The following CNTN5 variants were observed in gnomAD, a reference collection of about 807,000 sequenced individuals.
CNTN5 encodes the protein contactin-5.
A neutral mutation model predicts 129.1 loss-of-function variants in CNTN5; 77 were observed. The ratio of observed to expected loss-of-function variants is 0.60; its 90% CI spans 0.50 to 0.72. The LOEUF (loss-of-function observed/expected upper bound fraction) is 0.72, where lower values mean the gene tolerates loss of function less well. Among genes scored for constraint, CNTN5 ranks in the 30% least tolerant of loss-of-function variants. The pLI, the probability that CNTN5 is intolerant of heterozygous loss-of-function variation, is 0.00. For synonymous variants in CNTN5, 509 were observed against 465.6 expected (o/e 1.09, Z -1.20); for missense variants, 1,478 against 1,328.8 (o/e 1.11, Z -1.75).
At chr11:99,656,900 T>C (rs79735476) in intron 3 of CNTN5, among the ~76,000 whole-genome samples, 1,622 of 151,858 alleles carry the variant, frequency 0.011, 37 homozygotes, top group African/African-American at 0.036. Flanking sequence ...AGAAAACCCC[T>C]GTAGAAGTAC....
chr11:100,100,286 T>G (rs1945174420), intron 13 of CNTN5, among the ~76,000 whole-genome samples: 1 of 152,110 alleles, frequency 6.6e-6, no homozygotes, highest in African/African-American at 2.4e-5. Context: ...TTCCAGAATA[T>G]CCAGAAAAAT....
chr11:99,379,500 T>C (rs1404890318), intron 2 of CNTN5, among the ~76,000 whole-genome samples: 1 of 152,088 alleles, frequency 6.6e-6, no homozygotes, highest in Non-Finnish European at 1.5e-5. Flanking sequence ...ATAATCGATA[T>C]GACATGAAAG....
chr11:99,177,111 A>G (rs1857813660), intron 1 of CNTN5, among the ~76,000 whole-genome samples: 1 of 146,728 alleles, frequency 6.8e-6, no homozygotes. Flanking sequence ...ACATCTTACC[A>G]TGGATTCTTC....
At chr11:99,875,649 C>T (rs556424158) in intron 6 of CNTN5, among the ~76,000 whole-genome samples, 1 of 152,196 alleles carries the variant, frequency 6.6e-6, no homozygotes, top group African/African-American at 2.4e-5. Flanking sequence ...TTTGTACAGT[C>T]CTAAAGCATT....
intron 17 of CNTN5, among the ~76,000 whole-genome samples, chr11:100,262,323 T>C (rs917698988): frequency 1.1e-4 from 17 of 152,270 alleles, no homozygotes; most frequent in South Asian, 2.1e-4. Context: ...GAAATAGGAA[T>C]ACTTTTACAC....
At chr11:99,866,862 T>C (rs1345034098) in intron 6 of CNTN5, among the ~76,000 whole-genome samples, 1 of 152,210 alleles carries the variant, frequency 6.6e-6, no homozygotes, top group Non-Finnish European at 1.5e-5. Context: ...AGTCAGTACT[T>C]ACCAATCCCT....
At chr11:99,033,467 T>C (rs1171582711) in intron 1 of CNTN5, among the ~76,000 whole-genome samples, 2 of 152,190 alleles carry the variant, frequency 1.3e-5, no homozygotes, top group South Asian at 2.1e-4. Flanking sequence ...GTAGTTCTCC[T>C]TGAAGAGGTC....
At chr11:99,892,340 G>A (rs955096549) in intron 6 of CNTN5, among the ~76,000 whole-genome samples, 13 of 151,920 alleles carry the variant, frequency 8.6e-5, no homozygotes, top group South Asian at 2.1e-4. Context: ...ATTAGATCCC[G>A]TTTGTCAATT....
chr11:99,817,703 T>A (rs568449112), intron 3 of CNTN5, among the ~76,000 whole-genome samples: 1 of 142,266 alleles, frequency 7.0e-6, no homozygotes, highest in African/African-American at 2.6e-5. Context: ...AAACTACAAC[T>A]ACAAACTACC....
At chr11:99,583,570 C>G (rs1949688982) in intron 3 of CNTN5, among the ~76,000 whole-genome samples, 1 of 152,208 alleles carries the variant, frequency 6.6e-6, no homozygotes, top group African/African-American at 2.4e-5. Flanking sequence ...AGTTAGATCT[C>G]AGACTGCTGT....
At position 99,536,707 on chromosome 11, in the gene CNTN5, A is replaced by G. The variant is rs78757277; in HGVS notation, c.-70-19438A>G. 1.9e-4 allele frequency among the ~76,000 whole-genome samples: 29 copies of G among 152,178 alleles called. 1 individual carries two copies. In the East Asian group the frequency reaches 4.8e-3, roughly 25 times the overall value. ...GAGTTTTATACATGACATCGTTAAT[A>G]CCCATGACAATTCTTTGGAGAAAAT... On this transcript the variant is annotated intron_variant, in intron 2 of 24. Transcript: ENST00000524871.
chr11:100,070,392 A>G lies in CNTN5; in HGVS notation c.1163-32A>G, dbSNP rs2302917. 1.2e-3 allele frequency: 1,915 copies of G among 1,576,158 alleles called. 73 individuals are homozygous for G. In the East Asian group the frequency reaches 0.039, roughly 32 times the overall value. The stretch of plus-strand genomic sequence containing the variant: ...CTTGGTAAAGCGTTTGAGAAATGAA[A>G]TCATCCTTGTTTACTGCTTACATAC... On this transcript the variant is annotated intron_variant, in intron 10 of 24. Coordinates refer to ENST00000524871, the MANE Select transcript of CNTN5 (RefSeq NM_014361.4).
At chr11:100,149,663 C>A (rs1211601565) in intron 13 of CNTN5, among the ~76,000 whole-genome samples, 1 of 152,020 alleles carries the variant, frequency 6.6e-6, no homozygotes, top group Admixed American at 6.6e-5. Context: ...GAGGCCAAGG[C>A]AGGCGGATCA....
chr11:100,232,273 T>C (rs1427409494), intron 16 of CNTN5, among the ~76,000 whole-genome samples: 1 of 152,188 alleles, frequency 6.6e-6, no homozygotes, highest in East Asian at 1.9e-4. Flanking sequence ...GATGTGAAGT[T>C]GCTGTCAGAG....
At chr11:100,057,537 A>G (rs533201721) in intron 9 of CNTN5, among the ~76,000 whole-genome samples, 17 of 152,036 alleles carry the variant, frequency 1.1e-4, no homozygotes, top group South Asian at 2.1e-4. Context: ...GCATTTATTA[A>G]CAATATACCA....
intron 1 of CNTN5, among the ~76,000 whole-genome samples, chr11:99,037,846 G>T (rs548534299): frequency 6.6e-6 from 1 of 152,048 alleles, no homozygotes; most frequent in South Asian, 2.1e-4. Context: ...ACAGGTGTGA[G>T]CCACTGTGCC....
intron 2 of CNTN5, among the ~76,000 whole-genome samples, chr11:99,400,539 A>G (rs1216374998): frequency 6.6e-6 from 1 of 152,130 alleles, no homozygotes; most frequent in Non-Finnish European, 1.5e-5. Flanking sequence ...TGCAACAAAC[A>G]TGGGAGTGCA....
intron 1 of CNTN5, among the ~76,000 whole-genome samples, chr11:99,195,734 C>T (rs917210262): frequency 1.3e-5 from 2 of 151,934 alleles, no homozygotes; most frequent in Admixed American, 6.6e-5. Context: ...TAAAATATGG[C>T]GTACTTATCC....
chr11:99,082,338 C>G (rs1018396082), intron 1 of CNTN5, among the ~76,000 whole-genome samples: 1 of 152,108 alleles, frequency 6.6e-6, no homozygotes, highest in African/African-American at 2.4e-5. Context: ...GCGCATGCCA[C>G]CATGCCCAGC....
Sources: allele counts gnomAD v4.1 joint callset (sites outside exome capture counted in the v4.1 genomes callset), GRCh38; gene constraint gnomAD v4.1.1; transcripts MANE v1.5; gene names NCBI Gene and HGNC (gene_info 2026-07-23, HGNC 2026-07-21).